KCNF1: variants seen among roughly 807,000 people sequenced by gnomAD.
KCNF1 encodes potassium voltage-gated channel modifier subfamily F member 1, also known as voltage-gated potassium channel regulatory subunit KCNF1.
Under a neutral mutation model 28.6 loss-of-function variants are expected in KCNF1, and 9 were observed. The observed-to-expected ratio is 0.31, with a 90% CI of 0.19 to 0.55. KCNF1 has a LOEUF of 0.55. Among genes scored for constraint, KCNF1 ranks in the 20% least tolerant of loss-of-function variants. KCNF1 has a pLI of 0.93. For synonymous variants in KCNF1, 328 were observed against 299.6 expected, an observed-to-expected ratio of 1.09 and a Z score of -0.98; for missense variants, 461 against 684.2, an observed-to-expected ratio of 0.67 and a Z score of 3.64.
At position 10,914,155 on chromosome 2, in the gene KCNF1, C is replaced by T. The variant is rs186500057; in HGVS notation, c.*244C>T. On this transcript the variant is annotated 3_prime_UTR_variant, in exon 1 of 1. Coordinates refer to ENST00000295082, the MANE Select transcript of KCNF1 (RefSeq NM_002236.5). ...AGGGCCGTGTGGGACGAGTGGAGGC[C>T]GCGGCCTGGCTGGCACGAGAGCCCA... The T allele has an allele frequency of 5.4e-5, 24 of 446,420 alleles. No individual in the cohort carries two copies. The Admixed American group carries it at 7.1e-4, about 13-fold the overall frequency. 27.7% of individuals were successfully genotyped at this position (446,420 alleles called of 1,614,324 possible).
At position 10,914,010 on chromosome 2, in the gene KCNF1, C is replaced by A; in HGVS notation, c.*99C>A. ...GCACAGAAGGGCTGTCCTGTGTCCC[C>A]CCAACCCTCCCCTGGACAGACTCTG... On this transcript the variant is annotated 3_prime_UTR_variant, in exon 1 of 1. Transcript: ENST00000295082. 1 of 1,349,350 alleles carries A rather than the reference C, an allele frequency of 7.4e-7. No individual in the cohort carries two copies. Among genetic ancestry groups the A allele is most frequent in the East Asian group, 2.5e-5 (1 of 39,920 alleles). 83.6% of individuals were successfully genotyped at this position (1,349,350 alleles called of 1,614,324 possible). A position where few individuals can be genotyped will look rare whatever the true frequency, so the allele number is the denominator to read the frequency against.
At position 10,913,321 on chromosome 2, in the gene KCNF1, C is replaced by G; in HGVS notation, c.895C>G (p.Arg299Gly). 2 of 1,613,022 alleles carry G rather than the reference C, an allele frequency of 1.2e-6. No homozygotes were observed. Among genetic ancestry groups the G allele is most frequent in the Non-Finnish European group, 1.7e-6 (2 of 1,179,798 alleles). The change falls in exon 1 of 1, where the codon CGC becomes GGC. Residue 299 changes from arginine to glycine, a missense_variant. Arg to Gly is a moderately radical substitution (Grantham distance 125, BLOSUM62 -2). This residue lies in a region of KCNF1 where 115 missense variants were observed against 261.6 expected (regional missense o/e 0.44). Transcript: ENST00000295082. This position sits in a 1 kb window ranked among gnomAD's most constrained non-coding sequence, Gnocchi z 5.5. ...GGCGCTGCGGATCATGCGCATCGCG[C>G]GCATCTTCAAGCTGGCCCGCCACTC... ...VQALRIMRIARIFKLARHSSG... is the reference protein window; with the variant it reads ...VQALRIMRIAGIFKLARHSSG...
In KCNF1 at chr2:10,914,200, C is replaced by T; in HGVS notation, c.*289C>T. The T allele has an allele frequency of 2.7e-6, 1 of 368,332 alleles. No homozygotes were observed. Among genetic ancestry groups the T allele is most frequent in the Non-Finnish European group, 5.0e-6 (1 of 198,462 alleles). The allele number at this position is 368,332 out of a possible 1,614,324, so 22.8% of individuals were successfully genotyped here. ...AGCCCACGCCCGCTTCTGTATCTCC[C>T]TCAATAAAGCCTCCTGCTCTGTGCA... is the stretch of plus-strand genomic sequence containing the variant. On this transcript the variant is annotated 3_prime_UTR_variant, in exon 1 of 1. Coordinates refer to ENST00000295082, the MANE Select transcript of KCNF1 (RefSeq NM_002236.5).
rs1558489884 is a variant in KCNF1, at chr2:10,913,695, C to G, written c.1269C>G (p.Ala423=). Residue 423 remains alanine, a synonymous_variant, in exon 1 of 1, where the codon GCC becomes GCG. Coordinates refer to ENST00000295082, the MANE Select transcript of KCNF1 (RefSeq NM_002236.5). This position sits in a 1 kb window ranked among gnomAD's most constrained non-coding sequence, Gnocchi z 5.5. The part of the protein sequence containing the change: ...YNKQRVLETA[A]KHELELMELN... ...AGCAGCGCGTCCTGGAGACCGCGGCCAAGCACGAGCTGGAGCTGATGGAAC... is the reference window on the plus strand; with the variant it reads ...AGCAGCGCGTCCTGGAGACCGCGGCGAAGCACGAGCTGGAGCTGATGGAAC... The G allele has an allele frequency of 2.5e-6, 4 of 1,613,906 alleles. No homozygotes were observed. Among genetic ancestry groups the G allele is most frequent in the Admixed American group, 1.7e-5 (1 of 60,004 alleles).
rs140683647 is a variant in KCNF1 at position 10,913,811 on chromosome 2, C to G, written c.1385C>G (p.Pro462Arg). 5.1e-6 allele frequency: 8 copies of G among 1,573,638 alleles called. No homozygotes were observed. The highest frequency in any genetic ancestry group is 6.9e-6 in the Non-Finnish European group (8 of 1,159,572). The change falls in exon 1 of 1, where the codon CCG becomes CGG. Residue 462 changes from proline to arginine, a missense_variant. Around this residue, in one of 4 missense-constraint regions of KCNF1, gnomAD observed 101 missense variants for 102.2 expected, o/e 0.99. Coordinates refer to ENST00000295082, the MANE Select transcript of KCNF1 (RefSeq NM_002236.5). The surrounding 1 kb of genome is among the most constrained non-coding windows in gnomAD (Gnocchi z 5.5). Reference sequence around the variant, plus strand: ...CCAGAGCCTGCGGGGAAGGAGGCGCCGAGCTGCAGCAGCCGGCTGAAGCTC... The same window carrying G: ...CCAGAGCCTGCGGGGAAGGAGGCGCGGAGCTGCAGCAGCCGGCTGAAGCTC... ...LPPEPAGKEA[P>R]SCSSRLKLSH... is the part of the protein sequence containing the mutation.
rs1383666681 is a variant in KCNF1 at position 10,913,176 on chromosome 2, C to T, written c.750C>T (p.Phe250=). The T allele has an allele frequency of 1.2e-6, 2 of 1,613,390 alleles. No homozygotes were observed. The highest frequency in any genetic ancestry group is 1.7e-5 in the Admixed American group (1 of 60,036). ...TCTCGTCACCCAACAAGCTGCACTTCGCGCTGTCCTTCATGAACATTGTGG... is the reference window on the plus strand; with the variant it reads ...TCTCGTCACCCAACAAGCTGCACTTTGCGCTGTCCTTCATGAACATTGTGG... ...RLFSSPNKLH[F]ALSFMNIVDV... Residue 250 remains phenylalanine (F), a synonymous_variant, in exon 1 of 1, where the codon TTC becomes TTT. Transcript: ENST00000295082. The surrounding 1 kb of genome is among the most constrained non-coding windows in gnomAD (Gnocchi z 5.5).
In KCNF1 at chr2:10,912,519, C is replaced by A. The variant is rs1330681945; in HGVS notation, c.93C>A (p.Gly31=). The A allele has an allele frequency of 2.5e-6, 4 of 1,603,030 alleles. No homozygotes were observed. Among genetic ancestry groups the A allele is most frequent in the Admixed American group, 1.7e-5 (1 of 58,774 alleles). The change falls in exon 1 of 1, where the codon GGC becomes GGA. Residue 31 remains glycine, a synonymous_variant. Coordinates refer to ENST00000295082, the MANE Select transcript of KCNF1 (RefSeq NM_002236.5). This position sits in a 1 kb window ranked among gnomAD's most constrained non-coding sequence, Gnocchi z 7.9. ...TAGAGATAGTCGTCAACGTGGGGGG[C>A]GTGCGGCAGGTGCTGTACGGGGACC... ...DDIEIVVNVG[G]VRQVLYGDLL...
chr2:10,913,083 C>T lies in KCNF1; in HGVS notation c.657C>T (p.His219=). Reference sequence around the variant, plus strand: ...ACGCCGAGGGCAACCGCGTGGAGCACCCGACGCTGGAGAACGTGGAGACGG... The same window carrying T: ...ACGCCGAGGGCAACCGCGTGGAGCATCCGACGCTGGAGAACGTGGAGACGG... The part of the protein sequence containing the change: ...VLDAEGNRVE[H]PTLENVETAC... The change falls in exon 1 of 1, where the codon CAC becomes CAT. Residue 219 remains histidine (H), a synonymous_variant. Coordinates refer to ENST00000295082, the MANE Select transcript of KCNF1 (RefSeq NM_002236.5). This position sits in a 1 kb window ranked among gnomAD's most constrained non-coding sequence, Gnocchi z 5.5. The T allele has an allele frequency of 6.2e-7, 1 of 1,608,102 alleles. No individual in the cohort carries two copies. Among genetic ancestry groups the T allele is most frequent in the East Asian group, 2.2e-5 (1 of 44,882 alleles).
chr2:10,912,972 G>A lies in KCNF1; in HGVS notation c.546G>A (p.Arg182=), dbSNP rs1661562518. The change falls in exon 1 of 1, where the codon CGG becomes CGA. Residue 182 remains arginine (R), a synonymous_variant. Transcript: ENST00000295082. This position sits in a 1 kb window ranked among gnomAD's most constrained non-coding sequence, Gnocchi z 7.9. ...LEKPESSCPA[R]VVAVLSFLLI... is the part of the protein sequence containing the mutation. ...AGCCCGAGTCGTCGTGCCCGGCGCG[G>A]GTGGTGGCCGTGCTCTCCTTCCTGC... 1 of 1,603,288 alleles carries A rather than the reference G, an allele frequency of 6.2e-7. No individual in the cohort carries two copies. Among genetic ancestry groups the A allele is most frequent in the African/African-American group, 1.3e-5 (1 of 74,946 alleles).
Position 10,913,209 on chromosome 2 carries a change from G to A in KCNF1, c.783G>A (p.Leu261=). 6.2e-7 allele frequency: 1 copy of A among 1,613,444 alleles called. No individual in the cohort carries two copies. The highest frequency in any genetic ancestry group is 8.5e-7 in the Non-Finnish European group (1 of 1,180,030). ...CCTTCATGAACATTGTGGACGTGCT[G>A]GCCATCCTCCCCTTCTACGTGAGCC... is the stretch of plus-strand genomic sequence containing the variant. ...ALSFMNIVDV[L]AILPFYVSLT... The change falls in exon 1 of 1, where the codon CTG becomes CTA. Residue 261 remains leucine (L), a synonymous_variant. Coordinates refer to ENST00000295082, the MANE Select transcript of KCNF1 (RefSeq NM_002236.5). The surrounding 1 kb of genome is among the most constrained non-coding windows in gnomAD (Gnocchi z 5.5).
At position 10,912,839 on chromosome 2, in the gene KCNF1, T is replaced by G; in HGVS notation, c.413T>G (p.Leu138Arg). The change falls in exon 1 of 1, where the codon CTG becomes CGG. Residue 138 changes from leucine (L) to arginine (R), a missense_variant. By Grantham distance (102) the Leu-to-Arg change is moderately radical. This residue lies in a region of KCNF1 where 193 missense variants were observed against 280.6 expected (regional missense o/e 0.69). Coordinates refer to ENST00000295082, the MANE Select transcript of KCNF1 (RefSeq NM_002236.5). The surrounding 1 kb of genome is among the most constrained non-coding windows in gnomAD (Gnocchi z 7.9). ...KSHLSEKREE[L>R]EEIARRVQLI... ...CACCTGAGCGAGAAGCGCGAGGAGC[T>G]GGAGGAGATCGCGCGCCGCGTGCAG... The G allele has an allele frequency of 6.2e-7, 1 of 1,613,866 alleles. No homozygotes were observed. Among genetic ancestry groups the G allele is most frequent in the Non-Finnish European group, 8.5e-7 (1 of 1,180,008 alleles).
In KCNF1 at chr2:10,913,067, G is replaced by T; in HGVS notation, c.641G>T (p.Gly214Val). ...IPELQVLDAE[G>V]NRVEHPTLEN... ...GAGCTGCAGGTGCTGGACGCCGAGG[G>T]CAACCGCGTGGAGCACCCGACGCTG... Residue 214 changes from glycine to valine, a missense_variant, in exon 1 of 1, where the codon GGC becomes GTC. Around this residue, in one of 4 missense-constraint regions of KCNF1, gnomAD observed 193 missense variants for 280.6 expected, o/e 0.69. Coordinates refer to ENST00000295082, the MANE Select transcript of KCNF1 (RefSeq NM_002236.5). This position sits in a 1 kb window ranked among gnomAD's most constrained non-coding sequence, Gnocchi z 5.5. The T allele has an allele frequency of 1.2e-6, 2 of 1,606,038 alleles. No individual in the cohort carries two copies. Among genetic ancestry groups the T allele is most frequent in the Non-Finnish European group, 8.5e-7 (1 of 1,179,990 alleles).
chr2:10,914,223 G>A lies in KCNF1; in HGVS notation c.*312G>A. On this transcript the variant is annotated 3_prime_UTR_variant, in exon 1 of 1. Coordinates refer to ENST00000295082, the MANE Select transcript of KCNF1 (RefSeq NM_002236.5). ...CCCTCAATAAAGCCTCCTGCTCTGT[G>A]CACCCTCCGTGTTGTAGGTTCTGTC... 1 of 281,062 alleles carries A rather than the reference G, an allele frequency of 3.6e-6. No individual in the cohort carries two copies. The highest frequency in any genetic ancestry group is 6.8e-6 in the Non-Finnish European group (1 of 147,074). The allele number at this position is 281,062 out of a possible 1,614,324, so 17.4% of individuals were successfully genotyped here.
chr2:10,913,970 G>C lies in KCNF1; in HGVS notation c.*59G>C. ...GGTGGACAGATGGGTAGATGTGGCA[G>C]GCATGTCATCGACAGCACAGAAGGG... On this transcript the variant is annotated 3_prime_UTR_variant, in exon 1 of 1. Transcript: ENST00000295082. This position sits in a 1 kb window ranked among gnomAD's most constrained non-coding sequence, Gnocchi z 5.5. The C allele has an allele frequency of 6.6e-7, 1 of 1,505,462 alleles. No individual in the cohort carries two copies. Among genetic ancestry groups the C allele is most frequent in the Non-Finnish European group, 8.9e-7 (1 of 1,126,350 alleles). The allele number at this position is 1,505,462 out of a possible 1,614,324, so 93.3% of individuals were successfully genotyped here. A position where few individuals can be genotyped will look rare whatever the true frequency, so the allele number is the denominator to read the frequency against.
rs1027779413 is a variant in KCNF1 at position 10,912,087 on chromosome 2, G to A, written c.-340G>A. 5.9e-5 allele frequency: 9 copies of A among 151,704 alleles called. No individual in the cohort carries two copies. Among genetic ancestry groups the A allele is most frequent in the African/African-American group, 2.2e-4 (9 of 41,360 alleles). The allele number at this position is 151,704 out of a possible 1,614,324, so 9.4% of individuals were successfully genotyped here. A position where few individuals can be genotyped will look rare whatever the true frequency, so the allele number is the denominator to read the frequency against. The stretch of plus-strand genomic sequence containing the variant: ...GGAGGACGGTGCCAGCCGCCCACGA[G>A]GAGACCCCGCTCCCGCAGGAGGCCG... On this transcript the variant is annotated 5_prime_UTR_variant, in exon 1 of 1. Transcript: ENST00000295082. The surrounding 1 kb of genome is among the most constrained non-coding windows in gnomAD (Gnocchi z 7.9).
chr2:10,912,342 T>G lies in KCNF1; in HGVS notation c.-85T>G, dbSNP rs1308703944. 33 of 1,073,674 alleles carry G rather than the reference T, an allele frequency of 3.1e-5. No homozygotes were observed. In the East Asian group the frequency reaches 1.2e-3, roughly 39 times the overall value. 66.5% of individuals were successfully genotyped at this position (1,073,674 alleles called of 1,614,324 possible). Reference sequence around the variant, plus strand: ...GCTCTCCCCGAGATCAGCGCACGGGTGGCACCCGCCGGACCCCCAGCGGCA... The same window carrying G: ...GCTCTCCCCGAGATCAGCGCACGGGGGGCACCCGCCGGACCCCCAGCGGCA... On this transcript the variant is annotated 5_prime_UTR_variant, in exon 1 of 1. Transcript: ENST00000295082. The surrounding 1 kb of genome is among the most constrained non-coding windows in gnomAD (Gnocchi z 7.9).
In KCNF1 at chr2:10,913,253, G is replaced by A; in HGVS notation, c.827G>A (p.Gly276Asp). Residue 276 changes from glycine (G) to aspartate (D), a missense_variant, in exon 1 of 1, where the codon GGT becomes GAT. Gly to Asp is a moderately conservative substitution (Grantham distance 94). This residue lies in a region of KCNF1 where 115 missense variants were observed against 261.6 expected (regional missense o/e 0.44). Coordinates refer to ENST00000295082, the MANE Select transcript of KCNF1 (RefSeq NM_002236.5). This position sits in a 1 kb window ranked among gnomAD's most constrained non-coding sequence, Gnocchi z 5.5. ...GTGAGCCTCACGCTCACGCACCTGG[G>A]TGCCCGCATGATGGAGCTGACCAAC... ...FYVSLTLTHL[G>D]ARMMELTNVQ... The A allele has an allele frequency of 6.2e-7, 1 of 1,613,472 alleles. No homozygotes were observed.
In KCNF1 at chr2:10,913,027, A is replaced by G. The variant is rs1339643707; in HGVS notation, c.601A>G (p.Met201Val). ...LILVSSVVMCMGTIPELQVLD... is the reference protein window; with the variant it reads ...LILVSSVVMCVGTIPELQVLD... ...CCTCGTCTCGTCCGTGGTCATGTGCATGGGCACCATCCCCGAGCTGCAGGT... is the reference window on the plus strand; with the variant it reads ...CCTCGTCTCGTCCGTGGTCATGTGCGTGGGCACCATCCCCGAGCTGCAGGT... The change falls in exon 1 of 1, where the codon ATG (methionine) becomes GTG (valine). Residue 201 changes from methionine (M) to valine (V), a missense_variant. Met to Val is a conservative substitution (Grantham distance 21). This residue lies in a region of KCNF1 where 193 missense variants were observed against 280.6 expected (regional missense o/e 0.69). Transcript: ENST00000295082. This position sits in a 1 kb window ranked among gnomAD's most constrained non-coding sequence, Gnocchi z 5.5. 1.2e-6 allele frequency: 2 copies of G among 1,603,458 alleles called. No individual in the cohort carries two copies. The highest frequency in any genetic ancestry group is 8.5e-7 in the Non-Finnish European group (1 of 1,179,940).
At position 10,913,306 on chromosome 2, in the gene KCNF1, A is replaced by G. The variant is rs1420806735; in HGVS notation, c.880A>G (p.Ile294Val). ...NVQQAVQALR[I>V]MRIARIFKLA... is the part of the protein sequence containing the mutation. ...GCAGCAGGCCGTGCAGGCGCTGCGGATCATGCGCATCGCGCGCATCTTCAA... is the reference window on the plus strand; with the variant it reads ...GCAGCAGGCCGTGCAGGCGCTGCGGGTCATGCGCATCGCGCGCATCTTCAA... The change falls in exon 1 of 1, where the codon ATC (isoleucine) becomes GTC (valine). Residue 294 changes from isoleucine to valine, a missense_variant. Physicochemically the swap from Ile to Val is conservative, Grantham distance 29. Around this residue, in one of 4 missense-constraint regions of KCNF1, gnomAD observed 115 missense variants for 261.6 expected, o/e 0.44. Coordinates refer to ENST00000295082, the MANE Select transcript of KCNF1 (RefSeq NM_002236.5). This position sits in a 1 kb window ranked among gnomAD's most constrained non-coding sequence, Gnocchi z 5.5. The G allele has an allele frequency of 1.2e-6, 2 of 1,613,224 alleles. No homozygotes were observed. The highest frequency in any genetic ancestry group is 1.7e-6 in the Non-Finnish European group (2 of 1,179,884).
Sources: allele counts gnomAD v4.1 joint callset, GRCh38; gene constraint gnomAD v4.1.1; regional missense constraint gnomAD v4.1.1; non-coding constraint Gnocchi (gnomAD v3.1); transcripts MANE v1.5; gene names NCBI Gene and HGNC (gene_info 2026-07-23, HGNC 2026-07-21).